PGD: variants seen among roughly 807,000 people sequenced by gnomAD.
PGD encodes phosphogluconate dehydrogenase.
Under a neutral mutation model 60.4 loss-of-function variants are expected in PGD, and 21 were observed. The ratio of observed to expected loss-of-function variants is 0.35; its 90% CI spans 0.25 to 0.50. PGD has a LOEUF of 0.50. Among genes scored for constraint, PGD ranks in the 20% least tolerant of loss-of-function variants. PGD has a pLI of 0.98. For missense variants in PGD, 477 were observed against 613.1 expected (o/e 0.78, Z 2.34); for synonymous variants, 230 against 235.9 (o/e 0.97, Z 0.23).
chr1:10,407,989 CTA>C (rs1253594886), intron 5 of PGD, 80 bp from the exon 6 acceptor site: 7 of 805,820 alleles, frequency 8.7e-6, no homozygotes. Flanking sequence ...GGGTTGGTGT[CTA>C]TGGGTATGTT....
chr1:10,411,056 G>A (rs1220657398), intron 6 of PGD, among the ~76,000 whole-genome samples: 1 of 151,706 alleles, frequency 6.6e-6, no homozygotes, highest in East Asian at 1.9e-4. Flanking sequence ...GTAACTTTGG[G>A]AAAAAGAGGA....
Position 10,404,093 on chromosome 1 carries a change from TAGCATAATGAAACATGGA to T in PGD, c.331-37_331-20del, listed in dbSNP as rs149942399. On this transcript the variant is annotated intron_variant, in intron 4 of 12. Transcript: ENST00000270776. ...CATTTATAAGGGAAACATTTTTGGG[TAGCATAATGAAACATGGA>T]AGCATAATGAAACATGGAAGCATAA... The T allele has an allele frequency of 6.0e-3, 6,469 of 1,078,144 alleles. 241 individuals carry two copies. In the African/African-American group the frequency reaches 0.083, roughly 14 times the overall value. The allele number at this position is 1,078,144 out of a possible 1,614,324, so 66.8% of individuals were successfully genotyped here.
At chr1:10,419,578 CGGG>C in intron 12 of PGD, 39 bp downstream of exon 12, 11 of 1,613,826 alleles carry the variant, frequency 6.8e-6, no homozygotes, top group Non-Finnish European at 9.3e-6. Flanking sequence ...GCTGGCCCCT[CGGG>C]GGCGTGCGCC....
chr1:10,399,564 A>G, intron 1 of PGD, 65 bp from the exon 2 acceptor site: 1 of 1,404,890 alleles, frequency 7.1e-7, no homozygotes, highest in Non-Finnish European at 1.0e-6. Context: ...GAAGGACCGG[A>G]CCCCTGGGTT....
Position 10,400,584 on chromosome 1 carries a change from T to C in PGD, c.264+12T>C. On this transcript the variant is annotated intron_variant, in intron 3 of 12. Transcript: ENST00000270776. ...TCATCGAGAAATTGGTGAGGCCAGC[T>C]GTGCTCTCAGCTGCTACCACGATAG... 1 of 1,606,886 alleles carries C rather than the reference T, an allele frequency of 6.2e-7. No individual in the cohort carries two copies. Among genetic ancestry groups the C allele is most frequent in the Non-Finnish European group, 8.5e-7 (1 of 1,175,716 alleles).
chr1:10,410,039 A>G (rs1237034970), intron 6 of PGD, among the ~76,000 whole-genome samples: 2 of 152,118 alleles, frequency 1.3e-5, no homozygotes, highest in South Asian at 2.1e-4. Flanking sequence ...TTGATCAAGC[A>G]GGCCCTCCTT....
intron 7 of PGD, chr1:10,412,812 GTGAGGAGCCCTTGCCTC>G (rs150917113): frequency 0.023 from 9,813 of 435,924 alleles, 145 homozygotes; most frequent in Non-Finnish European, 0.031. Context: ...CCTAAGTGAA[GTGAGGAGCCCTTGCCTC>G]TGAGGAGACA....
At chr1:10,413,538 T>C (rs1178545677) in intron 8 of PGD, among the ~76,000 whole-genome samples, 3 of 152,196 alleles carry the variant, frequency 2.0e-5, no homozygotes, top group Non-Finnish European at 4.4e-5. Context: ...GCATTAGTGA[T>C]GTAATTGTAG....
chr1:10,412,542 A>AT (rs1379553657), intron 7 of PGD, among the ~76,000 whole-genome samples: 1 of 152,058 alleles, frequency 6.6e-6, no homozygotes, highest in Non-Finnish European at 1.5e-5. Flanking sequence ...TTTTGTGTTC[A>AT]TTTTTTATTG....
chr1:10,399,811 T>G, intron 2 of PGD, 107 bp downstream of exon 2: 1 of 932,886 alleles, frequency 1.1e-6, no homozygotes, highest in Non-Finnish European at 1.7e-6. Context: ...TTTGCTAATG[T>G]GCTCTGTTGC....
chr1:10,413,379 TTTC>T, intron 8 of PGD, 128 bp downstream of exon 8: 1 of 745,212 alleles, frequency 1.3e-6, no homozygotes, highest in East Asian at 2.7e-5. Flanking sequence ...CCTTTTGCTC[TTTC>T]TTGCGTTGAA....
rs758922063 is a variant in PGD at position 10,419,663 on chromosome 1, G to C, written c.1366G>C (p.Glu456Gln). The change falls in exon 13 of 13, where the codon GAA (glutamate) becomes CAA (glutamine). Residue 456 changes from glutamate to glutamine, a missense_variant. By Grantham distance (29) the Glu-to-Gln change is conservative (BLOSUM62 2). Around this residue, in one of 3 missense-constraint regions of PGD, gnomAD observed 44 missense variants for 40.3 expected, o/e 1.09. Transcript: ENST00000270776. ...QRDYFGAHTY[E>Q]LLAKPGQFIH... ...GGATTACTTCGGGGCTCACACCTAT[G>C]AACTCTTGGCCAAACCAGGGCAGTT... The C allele has an allele frequency of 1.4e-5, 23 of 1,614,078 alleles. No homozygotes were observed. Among genetic ancestry groups the C allele is most frequent in the Non-Finnish European group, 1.9e-5 (23 of 1,180,046 alleles).
At chr1:10,418,109 T>G (rs1163637081) in intron 10 of PGD, among the ~76,000 whole-genome samples, 1 of 152,220 alleles carries the variant, frequency 6.6e-6, no homozygotes, top group Non-Finnish European at 1.5e-5. Flanking sequence ...GTATTTTCAT[T>G]GAAAATGCCA....
chr1:10,408,078 A>T lies in PGD; in HGVS notation c.457A>T (p.Ile153Phe). 4 of 1,602,326 alleles carry T rather than the reference A, an allele frequency of 2.5e-6. No individual in the cohort carries two copies. Among genetic ancestry groups the T allele is most frequent in the Non-Finnish European group, 3.4e-6 (4 of 1,169,198 alleles). The stretch of plus-strand genomic sequence containing the variant: ...CACTGTTTCTTTACACAGGCCCCAC[A>T]TCAAGACCATCTTCCAAGGCATTGC... The part of the protein sequence containing the change: ...PGGNKEAWPH[I>F]KTIFQGIAAK... Residue 153 changes from isoleucine (I) to phenylalanine (F), a missense_variant, in exon 6 of 13, where the codon ATC becomes TTC. Physicochemically the swap from Ile to Phe is conservative, Grantham distance 21. Coordinates refer to ENST00000270776, the MANE Select transcript of PGD (RefSeq NM_002631.4).
chr1:10,400,516 C>T lies in PGD; in HGVS notation c.208C>T (p.Arg70Trp). 1 of 1,614,058 alleles carries T rather than the reference C, an allele frequency of 6.2e-7. No individual in the cohort carries two copies. Among genetic ancestry groups the T allele is most frequent in the Non-Finnish European group, 8.5e-7 (1 of 1,179,990 alleles). ...GGTCTCCAAGCTGAAGAAGCCCCGG[C>T]GGATCATCCTCCTGGTGAAGGCTGG... ...EMVSKLKKPR[R>W]IILLVKAGQA... Residue 70 changes from arginine to tryptophan, a missense_variant, in exon 3 of 13, where the codon CGG becomes TGG. By Grantham distance (101) the Arg-to-Trp change is moderately radical (BLOSUM62 -3). Coordinates refer to ENST00000270776, the MANE Select transcript of PGD (RefSeq NM_002631.4).
chr1:10,403,031 T>A, intron 3 of PGD, 40 bp from the exon 4 acceptor site: 1 of 1,294,066 alleles, frequency 7.7e-7, no homozygotes, highest in East Asian at 2.3e-5. Context: ...CAAGGTATGT[T>A]TCATTTTTGG....
At chr1:10,413,858 T>C (rs2124207984) in intron 8 of PGD, among the ~76,000 whole-genome samples, 1 of 151,302 alleles carries the variant, frequency 6.6e-6, no homozygotes, top group Non-Finnish European at 1.5e-5. Context: ...TGAGCTGAGA[T>C]GGCACCACTG....
At chr1:10,417,288 C>T (rs1018967420) in intron 9 of PGD, 88 bp from the exon 10 acceptor site, 2 of 1,465,246 alleles carry the variant, frequency 1.4e-6, no homozygotes, top group Non-Finnish European at 1.9e-6. Flanking sequence ...CTTCTGGGAT[C>T]TCCACTGCTG....
chr1:10,417,367 A>C lies in PGD; in HGVS notation c.976-9A>C. The C allele has an allele frequency of 6.2e-7, 1 of 1,601,246 alleles. No individual in the cohort carries two copies. The highest frequency in any genetic ancestry group is 1.1e-5 in the South Asian group (1 of 89,262). ...GGCAATCCTAGTAGGTCTCTGTGTC[A>C]CTCTTTAGGCACTCTACGCTTCCAA... On this transcript the variant is annotated splice_polypyrimidine_tract_variant and intron_variant, in intron 9 of 12. Transcript: ENST00000270776.
Sources: gnomAD v4.1 joint callset for allele counts (sites outside exome capture counted in the v4.1 genomes callset) on GRCh38, gnomAD v4.1.1 for gene constraint, gnomAD v4.1.1 regional missense constraint, MANE v1.5 for transcripts, NCBI Gene and HGNC (gene_info 2026-07-23, HGNC 2026-07-21) for gene names.